The following NUP50 variants were observed in gnomAD, a reference collection of about 807,000 sequenced individuals.
NUP50 encodes the protein nucleoporin 50.
A neutral mutation model predicts 36.8 loss-of-function variants in NUP50; 14 were observed. The ratio of observed to expected loss-of-function variants is 0.38; its 90% CI spans 0.25 to 0.59. The LOEUF is 0.59. Among genes scored for constraint, NUP50 ranks in the 20% least tolerant of loss-of-function variants. The probability of loss-of-function intolerance (pLI) is 0.63; values close to 1 mark genes in which losing one functional copy is unlikely to be tolerated. For missense variants in NUP50, 455 were observed against 564.6 expected, an observed-to-expected ratio of 0.81 and a Z score of 1.97; for synonymous variants, 195 against 210.8, an observed-to-expected ratio of 0.93 and a Z score of 0.65.
At chr22:45,183,877 G>GA (rs200393108) in intron 7 of NUP50, 15 of 238,886 alleles carry the variant, frequency 6.3e-5, no homozygotes, top group African/African-American at 2.1e-4. Context: ...GTTTTAACCT[G>GA]AAAAGAGTCC....
rs574102007 is a variant in NUP50 at position 45,167,080 on chromosome 22, G to C, written c.-10-1088G>C. ...CATATCTTAGCGACCACTTTGTGGG[G>C]TTGTAATACACTCTGTATTACACAA... On this transcript the variant is annotated intron_variant, in intron 1 of 7. Transcript: ENST00000347635. 5.3e-5 allele frequency among the ~76,000 whole-genome samples: 8 copies of C among 152,270 alleles called. 1 individual carries two copies. The highest frequency in any genetic ancestry group is 5.2e-4 in the Admixed American group (8 of 15,300).
chr22:45,170,014 A>C (rs2074160398), intron 2 of NUP50, among the ~76,000 whole-genome samples: 1 of 152,196 alleles, frequency 6.6e-6, no homozygotes. Context: ...TGAAAGTTTT[A>C]AAGTCTTTGA....
At chr22:45,169,055 C>T (rs132866) in intron 2 of NUP50, among the ~76,000 whole-genome samples, 30,857 of 151,736 alleles carry the variant, frequency 0.2, 3,689 homozygotes, top group East Asian at 0.57. Context: ...GTGTACACCA[C>T]CACACCCAGC....
chr22:45,169,742 G>A (rs1326296484), intron 2 of NUP50, among the ~76,000 whole-genome samples: 2 of 152,196 alleles, frequency 1.3e-5, no homozygotes, highest in African/African-American at 2.4e-5. Context: ...AAGTGGTAAC[G>A]CCAGTGCCTG....
At chr22:45,168,270 T>A (rs1347883514) in intron 2 of NUP50, 24 bp downstream of exon 2, 1 of 1,572,840 alleles carries the variant, frequency 6.4e-7, no homozygotes, top group Admixed American at 1.9e-5. Context: ...TCCCTAAGAA[T>A]GATTTCCTGT....
At position 45,170,981 on chromosome 22, in the gene NUP50, C is replaced by A; in HGVS notation, c.70-619C>A. 3 of 1,303,654 alleles carry A rather than the reference C, an allele frequency of 2.3e-6. No individual in the cohort carries two copies. In the South Asian group the frequency reaches 3.7e-5, roughly 16 times the overall value. 80.8% of individuals were successfully genotyped at this position (1,303,654 alleles called of 1,614,324 possible). On this transcript the variant is annotated intron_variant, in intron 2 of 7. Coordinates refer to ENST00000347635, the MANE Select transcript of NUP50 (RefSeq NM_007172.4). ...TGCATGAGAAATATTTTATTCCGAC[C>A]CTACAGGGTAAAAGAAGGGCTATAA...
chr22:45,167,164 G>C (rs558048475), intron 1 of NUP50, among the ~76,000 whole-genome samples: 2 of 152,146 alleles, frequency 1.3e-5, no homozygotes, highest in Admixed American at 6.5e-5. Flanking sequence ...AAACAAGAGT[G>C]GGGAGAGTAT....
chr22:45,179,079 GAGTA>G, intron 5 of NUP50, 179 bp downstream of exon 5: 1 of 562,598 alleles, frequency 1.8e-6, no homozygotes, highest in African/African-American at 1.9e-5. Flanking sequence ...CTTTATAAAA[GAGTA>G]AGACTTTTGT....
At chr22:45,174,714 G>A (rs1378308660) in intron 3 of NUP50, among the ~76,000 whole-genome samples, 2 of 152,102 alleles carry the variant, frequency 1.3e-5, no homozygotes, top group South Asian at 2.1e-4. Context: ...TCAGTGTGGC[G>A]GGTTTGGAAT....
At chr22:45,168,051 C>T (rs1210405567) in intron 1 of NUP50, 117 bp from the exon 2 acceptor site, 5 of 744,646 alleles carry the variant, frequency 6.7e-6, no homozygotes, top group Non-Finnish European at 1.1e-5. Context: ...GCTTTTTTTC[C>T]CTGATAAAAA....
At chr22:45,171,556 G>C in intron 2 of NUP50, 44 bp from the exon 3 acceptor site, 1 of 1,514,848 alleles carries the variant, frequency 6.6e-7, no homozygotes. Flanking sequence ...TTTGTCATCT[G>C]TTTGGCTTTA....
intron 5 of NUP50, chr22:45,179,167 G>A (rs948703681): frequency 2.9e-6 from 1 of 344,244 alleles, no homozygotes; most frequent in African/African-American, 2.1e-5. Flanking sequence ...AACACACATG[G>A]TTTAGCATAT....
At chr22:45,178,140 C>G (rs2074305722) in intron 4 of NUP50, 98 bp from the exon 5 acceptor site, 2 of 1,066,026 alleles carry the variant, frequency 1.9e-6, no homozygotes, top group African/African-American at 1.6e-5. Context: ...GGGGGAGATA[C>G]AGTAAAAGCA....
intron 3 of NUP50, among the ~76,000 whole-genome samples, chr22:45,174,514 T>C (rs540446585): frequency 6.6e-6 from 1 of 152,358 alleles, no homozygotes; most frequent in East Asian, 1.9e-4. Context: ...ACTCTCATTT[T>C]TCTGAATATC....
chr22:45,179,329 C>T (rs2074329830), intron 5 of NUP50: 1 of 157,448 alleles, frequency 6.4e-6, no homozygotes, highest in African/African-American at 2.4e-5. Context: ...CTATACATTA[C>T]AAATGTAGAC....
rs1218008373 is a variant in NUP50, at chr22:45,187,465, GA to G, written c.*2815del. ...CTGCCTTTTCTGGTGTGGAGGGGAA[GA>G]AAAACTAATATTCTACCTTACTAGT... is the stretch of plus-strand genomic sequence containing the variant. On this transcript the variant is annotated 3_prime_UTR_variant, in exon 8 of 8. Transcript: ENST00000347635. 6.6e-6 allele frequency: 1 copy of G among 150,668 alleles called. No homozygotes were observed. Among genetic ancestry groups the G allele is most frequent in the African/African-American group, 2.4e-5 (1 of 41,016 alleles). The allele number at this position is 150,668 out of a possible 1,614,324, so 9.3% of individuals were successfully genotyped here. A position where few individuals can be genotyped will look rare whatever the true frequency, so the allele number is the denominator to read the frequency against.
intron 1 of NUP50, among the ~76,000 whole-genome samples, chr22:45,165,408 T>A (rs766638072): frequency 2.0e-5 from 3 of 152,208 alleles, no homozygotes; most frequent in Non-Finnish European, 4.4e-5. Flanking sequence ...GCTAATTTTT[T>A]ATTTCTATTC....
intron 4 of NUP50, chr22:45,177,991 T>A (rs190049238): frequency 1.4e-4 from 64 of 449,802 alleles, no homozygotes; most frequent in African/African-American, 1.2e-3. Context: ...CCGGGTGTGG[T>A]GGCGGGTGCC....
intron 7 of NUP50, chr22:45,183,821 C>T: frequency 3.3e-6 from 1 of 300,632 alleles, no homozygotes. Flanking sequence ...TAAAGGAATC[C>T]TTTTTATATA....
Sources: allele counts gnomAD v4.1 joint callset (sites outside exome capture counted in the v4.1 genomes callset), GRCh38; gene constraint gnomAD v4.1.1; transcripts MANE v1.5; gene names NCBI Gene and HGNC (gene_info 2026-07-23, HGNC 2026-07-21).